Variants in SENP2 observed in about 807,000 individuals in gnomAD.
The protein encoded by SENP2 is SUMO specific peptidase 2, also known as sentrin-specific protease 2.
Under a neutral mutation model 86.3 loss-of-function variants are expected in SENP2, and 16 were observed. The ratio of observed to expected loss-of-function variants is 0.19; its 90% confidence interval spans 0.13 to 0.28. SENP2 has a LOEUF of 0.28. Ranked by LOEUF, SENP2 falls within the 10% of genes least tolerant of loss-of-function variation. The pLI is 1.00. For synonymous variants in SENP2, 222 were observed against 238.7 expected, an observed-to-expected ratio of 0.93 and a Z score of 0.64; for missense variants, 552 against 703.0, an observed-to-expected ratio of 0.79 and a Z score of 2.43.
At position 185,600,768 on chromosome 3, in the gene SENP2, A is replaced by G. The variant is rs767349147; in HGVS notation, c.362A>G (p.Asn121Ser). 6.3e-7 allele frequency: 1 copy of G among 1,591,290 alleles called. No homozygotes were observed. Among genetic ancestry groups the G allele is most frequent in the South Asian group, 1.1e-5 (1 of 89,898 alleles). The change falls in exon 5 of 17, where the codon AAT becomes AGT. Residue 121 changes from asparagine to serine, a missense_variant. Physicochemically the swap from Asn to Ser is conservative, Grantham distance 46. This residue lies in a region of SENP2 where 383 missense variants were observed against 427.3 expected (regional missense o/e 0.90). Transcript: ENST00000296257. Reference protein sequence around the residue: ...GSWNNMLKLGNKSPNGISDYP... With the variant: ...GSWNNMLKLGSKSPNGISDYP... ...TACAAATGCATTTTTTAAATAGGTA[A>G]TAAATCTCCTAATGGAATAAGTGAC...
At chr3:185,614,517 T>G in intron 10 of SENP2, 47 bp from the exon 11 acceptor site, 1 of 1,510,444 alleles carries the variant, frequency 6.6e-7, no homozygotes, top group Middle Eastern at 1.8e-4. Context: ...TGTTTATATT[T>G]GCAAGTATCA....
chr3:185,596,490 G>A (rs1722177231), intron 2 of SENP2, among the ~76,000 whole-genome samples: 1 of 151,940 alleles, frequency 6.6e-6, no homozygotes, highest in Non-Finnish European at 1.5e-5. Context: ...ACATGGTGGT[G>A]CATGCCTGTG....
rs997695537 is a variant in SENP2, at chr3:185,606,184, C to A, written c.450-146C>A. ...GGTGCCCTGTGCTCTAGGGATAGAT[C>A]TAACTTTTGCATAATTGTACTTGTC... On this transcript the variant is annotated intron_variant, in intron 5 of 16. Coordinates refer to ENST00000296257, the MANE Select transcript of SENP2 (RefSeq NM_021627.3). 4.8e-6 allele frequency: 3 copies of A among 630,154 alleles called. No homozygotes were observed. In the African/African-American group the frequency reaches 5.5e-5, roughly 12 times the overall value. 39.0% of individuals were successfully genotyped at this position (630,154 alleles called of 1,614,324 possible).
At chr3:185,622,762 G>A (rs1431064657) in intron 14 of SENP2, among the ~76,000 whole-genome samples, 1 of 144,476 alleles carries the variant, frequency 6.9e-6, no homozygotes, top group Non-Finnish European at 1.5e-5. Flanking sequence ...ATACAGTATA[G>A]TTTGATGTGC....
rs745684826 is a variant in SENP2 at position 185,598,396 on chromosome 3, T to G, written c.158-16T>G. The G allele has an allele frequency of 3.1e-6, 5 of 1,612,026 alleles. No homozygotes were observed. The highest frequency in any genetic ancestry group is 4.2e-6 in the Non-Finnish European group (5 of 1,178,294). On this transcript the variant is annotated splice_polypyrimidine_tract_variant and intron_variant, in intron 2 of 16. Coordinates refer to ENST00000296257, the MANE Select transcript of SENP2 (RefSeq NM_021627.3). ...AGTTTATTACTTTATATTTACAGTTTGTTGACACTTTCTAGATTGCTTTAT... is the reference window on the plus strand; with the variant it reads ...AGTTTATTACTTTATATTTACAGTTGGTTGACACTTTCTAGATTGCTTTAT...
At chr3:185,625,451 T>C (rs1182347555) in intron 15 of SENP2, among the ~76,000 whole-genome samples, 1 of 151,974 alleles carries the variant, frequency 6.6e-6, no homozygotes, top group Non-Finnish European at 1.5e-5. Flanking sequence ...TTCATTTCTT[T>C]GAGTAAAAAT....
intron 1 of SENP2, among the ~76,000 whole-genome samples, chr3:185,587,752 T>TTTTTTTTTG (rs1721840463): frequency 7.1e-6 from 1 of 141,230 alleles, no homozygotes; most frequent in Non-Finnish European, 1.5e-5. Flanking sequence ...TTTTTTTTTT[T>TTTTTTTTTG]GAGACAGAGT....
chr3:185,621,762 G>T, intron 13 of SENP2, 64 bp from the exon 14 acceptor site: 1 of 945,708 alleles, frequency 1.1e-6, no homozygotes, highest in South Asian at 1.5e-5. Flanking sequence ...TTTATTTTTG[G>T]AAGTAAAATT....
intron 10 of SENP2, among the ~76,000 whole-genome samples, chr3:185,614,093 AT>A (rs1711510969): frequency 6.6e-6 from 1 of 152,192 alleles, no homozygotes; most frequent in African/African-American, 2.4e-5. Context: ...ATAGGTGTTC[AT>A]TCAAATTAAG....
chr3:185,595,066 A>G (rs1021309621), intron 2 of SENP2, among the ~76,000 whole-genome samples: 6 of 152,212 alleles, frequency 3.9e-5, no homozygotes, highest in African/African-American at 7.2e-5. Context: ...TAAGAGATCT[A>G]TGTAGTCTAG....
chr3:185,594,341 G>A lies in SENP2; in HGVS notation c.158-4071G>A, dbSNP rs553194692. The stretch of plus-strand genomic sequence containing the variant: ...TGTAGAAGGGAATCTAAACCAAAGG[G>A]TAAGCGGTGGGTAGCAGAGTTTGTA... On this transcript the variant is annotated intron_variant, in intron 2 of 16. Coordinates refer to ENST00000296257, the MANE Select transcript of SENP2 (RefSeq NM_021627.3). Among the ~76,000 whole-genome samples, 352 of 152,286 alleles carry A rather than the reference G, an allele frequency of 2.3e-3. 2 individuals are homozygous for A. Among genetic ancestry groups the A allele is most frequent in the Non-Finnish European group, 3.5e-3 (235 of 68,028 alleles).
intron 2 of SENP2, among the ~76,000 whole-genome samples, chr3:185,595,823 C>T (rs1159100461): frequency 5.3e-5 from 7 of 133,284 alleles, no homozygotes; most frequent in African/African-American, 2.0e-4. Flanking sequence ...TTTTTTGAGA[C>T]AGGATCTCCC....
chr3:185,620,426 T>C (rs1711805926), intron 13 of SENP2, among the ~76,000 whole-genome samples: 1 of 151,744 alleles, frequency 6.6e-6, no homozygotes, highest in African/African-American at 2.4e-5. Flanking sequence ...GTCCTTGTAC[T>C]TGAGGAGCTT....
Position 185,626,468 on chromosome 3 carries a change from T to A in SENP2, c.1707+75T>A, listed in dbSNP as rs554477361. The A allele has an allele frequency of 1.0e-3, 1,027 of 990,394 alleles. 2 individuals are homozygous for A. Among genetic ancestry groups the A allele is most frequent in the Non-Finnish European group, 1.5e-3 (947 of 633,226 alleles). The allele number at this position is 990,394 out of a possible 1,614,324, so 61.4% of individuals were successfully genotyped here. On this transcript the variant is annotated intron_variant, in intron 16 of 16. Coordinates refer to ENST00000296257, the MANE Select transcript of SENP2 (RefSeq NM_021627.3). ...GCACTTGGCCAGTGCCTGGCACACA[T>A]TCAGCTCTCAATAGTAGTAGCTGGC...
intron 16 of SENP2, among the ~76,000 whole-genome samples, chr3:185,626,727 C>T (rs925509807): frequency 2.0e-5 from 3 of 151,412 alleles, no homozygotes; most frequent in Non-Finnish European, 2.9e-5. Flanking sequence ...GAGCCGAGGT[C>T]GCACCAGTGC....
chr3:185,612,763 A>C, intron 9 of SENP2, 105 bp downstream of exon 9: 1 of 782,056 alleles, frequency 1.3e-6, no homozygotes, highest in Non-Finnish European at 2.1e-6. Flanking sequence ...AACTCTCTTG[A>C]GTTCTGGTAG....
At chr3:185,612,842 G>T (rs1485623743) in intron 9 of SENP2, among the ~76,000 whole-genome samples, 184 bp downstream of exon 9, 1 of 152,128 alleles carries the variant, frequency 6.6e-6, no homozygotes, top group East Asian at 1.9e-4. Context: ...CTGGTGGGTT[G>T]AGGGGGGTGC....
intron 5 of SENP2, among the ~76,000 whole-genome samples, chr3:185,601,858 A>G (rs1464579): frequency 0.38 from 57,914 of 151,508 alleles, 11,274 homozygotes; most frequent in South Asian, 0.56. Context: ...GGCCAGTCTC[A>G]AACTCCTGAC....
Position 185,598,949 on chromosome 3 carries a change from G to C in SENP2, c.292-9G>C. 5 of 1,606,986 alleles carry C rather than the reference G, an allele frequency of 3.1e-6. No homozygotes were observed. The highest frequency in any genetic ancestry group is 4.3e-6 in the Non-Finnish European group (5 of 1,175,622). On this transcript the variant is annotated splice_polypyrimidine_tract_variant and intron_variant, in intron 3 of 16. Coordinates refer to ENST00000296257, the MANE Select transcript of SENP2 (RefSeq NM_021627.3). ...AGATGCTACAGAAGTGATTCTGTTTGATTTTAAGGTATTTTCGAACTCTTC... is the reference window on the plus strand; with the variant it reads ...AGATGCTACAGAAGTGATTCTGTTTCATTTTAAGGTATTTTCGAACTCTTC...
Sources: gnomAD v4.1 joint callset for allele counts (sites outside exome capture counted in the v4.1 genomes callset) on GRCh38, gnomAD v4.1.1 for gene constraint, gnomAD v4.1.1 regional missense constraint, MANE v1.5 for transcripts, NCBI Gene and HGNC (gene_info 2026-07-23, HGNC 2026-07-21) for gene names.